The following MKLN1 variants were observed in gnomAD, a reference collection of about 807,000 sequenced individuals.
The protein encoded by MKLN1 is muskelin.
MKLN1 carries 18 observed loss-of-function variants against 99.0 expected under a neutral mutation model. The observed-to-expected ratio is 0.18, with a 90% CI of 0.13 to 0.27. The LOEUF (loss-of-function observed/expected upper bound fraction) is 0.27. MKLN1 is among the 10% of genes least tolerant of loss of function. The probability of loss-of-function intolerance (pLI) is 1.00; values close to 1 mark genes in which losing one functional copy is unlikely to be tolerated. For missense variants in MKLN1, 621 were observed against 875.9 expected, an observed-to-expected ratio of 0.71 and a Z score of 3.67; for synonymous variants, 288 against 293.2, an observed-to-expected ratio of 0.98 and a Z score of 0.18.
chr7:131,243,114 T>C (rs888445806), intron 3 of MKLN1: 7 of 354,948 alleles, frequency 2.0e-5, no homozygotes, highest in Non-Finnish European at 3.3e-5. Context: ...TTTGAGACAA[T>C]AGTCATCAAA....
chr7:131,301,033 C>T (rs7781339), intron 3 of MKLN1, among the ~76,000 whole-genome samples: 28,298 of 152,110 alleles, frequency 0.19, 3,253 homozygotes, highest in African/African-American at 0.33. Flanking sequence ...GTGAGAAAGT[C>T]TCAATCTTGG....
At chr7:131,218,643 A>G (rs930655933) in intron 3 of MKLN1, among the ~76,000 whole-genome samples, 2 of 152,208 alleles carry the variant, frequency 1.3e-5, no homozygotes, top group African/African-American at 4.8e-5. Flanking sequence ...ATGTGCATAC[A>G]ATGGATTATT....
intron 9 of MKLN1, among the ~76,000 whole-genome samples, chr7:131,436,846 T>C (rs938433128): frequency 1.3e-5 from 2 of 152,230 alleles, no homozygotes; most frequent in Non-Finnish European, 2.9e-5. Flanking sequence ...TTATTGATAA[T>C]ATACTGTTCT....
chr7:131,367,818 T>C (rs1035559961), intron 1 of MKLN1, among the ~76,000 whole-genome samples: 5 of 152,192 alleles, frequency 3.3e-5, no homozygotes, highest in African/African-American at 1.2e-4. Context: ...GAAATACTCA[T>C]AAGTAAAAAT....
intron 1 of MKLN1, among the ~76,000 whole-genome samples, chr7:131,362,780 CAG>C (rs1294900474): frequency 2.0e-5 from 3 of 151,764 alleles, no homozygotes; most frequent in Non-Finnish European, 2.9e-5. Flanking sequence ...ATACTCTAGA[CAG>C]ATATTTCAAA....
At chr7:131,188,131 A>T in intron 2 of MKLN1, among the ~76,000 whole-genome samples, 1 of 152,194 alleles carries the variant, frequency 6.6e-6, no homozygotes, top group East Asian at 1.9e-4. Context: ...GAGAGAGAAG[A>T]TTGCACATAC....
chr7:131,378,117 A>G (rs866525469), intron 2 of MKLN1, among the ~76,000 whole-genome samples: 12 of 152,084 alleles, frequency 7.9e-5, no homozygotes, highest in African/African-American at 2.4e-4. Context: ...TTATTTGTTT[A>G]TTTATTTTTT....
intron 12 of MKLN1, among the ~76,000 whole-genome samples, chr7:131,459,961 G>A (rs1796467123): frequency 6.6e-6 from 1 of 151,572 alleles, no homozygotes; most frequent in Admixed American, 6.6e-5. Context: ...CTATCTTTTT[G>A]CTGTTTATTC....
At chr7:131,416,979 CAAAAAAAAAAAAA>C (rs374145180) in intron 8 of MKLN1, among the ~76,000 whole-genome samples, 1 of 49,564 alleles carries the variant, frequency 2.0e-5, no homozygotes. Flanking sequence ...GCAACCCTGT[CAAAAAAAAAAAAA>C]AAAAAAAAAA....
chr7:131,150,947 A>T (rs1168021112), intron 2 of MKLN1, among the ~76,000 whole-genome samples: 2 of 152,208 alleles, frequency 1.3e-5, no homozygotes, highest in Non-Finnish European at 2.9e-5. Flanking sequence ...TGGTGATGTA[A>T]TTATAAAATA....
intron 2 of MKLN1, among the ~76,000 whole-genome samples, chr7:131,161,179 G>A (rs995259686): frequency 6.6e-6 from 1 of 152,186 alleles, no homozygotes; most frequent in Non-Finnish European, 1.5e-5. Context: ...AGGACAGACA[G>A]GGTCAGTCTA....
At chr7:131,380,353 C>T (rs1393447068) in intron 2 of MKLN1, among the ~76,000 whole-genome samples, 2 of 151,788 alleles carry the variant, frequency 1.3e-5, no homozygotes, top group East Asian at 1.9e-4. Flanking sequence ...AAATAAGTGC[C>T]CTTGCTATGT....
chr7:131,479,561 T>C (rs1293533036), intron 17 of MKLN1, among the ~76,000 whole-genome samples: 3 of 149,904 alleles, frequency 2.0e-5, no homozygotes, highest in African/African-American at 4.9e-5. Flanking sequence ...GCGTGGTGGC[T>C]CATGCCTGTA....
intron 3 of MKLN1, among the ~76,000 whole-genome samples, chr7:131,322,557 C>CTTT (rs574246814): frequency 1.4e-4 from 13 of 95,090 alleles, no homozygotes; most frequent in African/African-American, 2.2e-4. Context: ...CTGCCAAACA[C>CTTT]TTTTTTTTTT....
intron 3 of MKLN1, among the ~76,000 whole-genome samples, chr7:131,234,767 C>T (rs1797291622): frequency 6.6e-6 from 1 of 152,154 alleles, no homozygotes; most frequent in African/African-American, 2.4e-5. Context: ...CCCAAAATAC[C>T]TCTCTCTCCC....
chr7:131,169,942 C>T (rs1457459678), intron 2 of MKLN1, among the ~76,000 whole-genome samples: 1 of 152,136 alleles, frequency 6.6e-6, no homozygotes, highest in Non-Finnish European at 1.5e-5. Context: ...AAAACCCTTT[C>T]ACCTAGGCAT....
At chr7:131,478,595 CTTTTT>C (rs3080645) in intron 16 of MKLN1, 23 bp from the exon 17 acceptor site, 29 of 1,238,408 alleles carry the variant, frequency 2.3e-5, no homozygotes, top group Admixed American at 1.8e-4. Context: ...TTTGCTGCTT[CTTTTT>C]TTTTTTTTTT....
At chr7:131,189,744 A>G (rs552589157) in intron 2 of MKLN1, among the ~76,000 whole-genome samples, 1 of 152,340 alleles carries the variant, frequency 6.6e-6, no homozygotes, top group East Asian at 1.9e-4. Flanking sequence ...AATTTAGAGA[A>G]CTATTAGACG....
At chr7:131,295,367 C>T (rs1563282379) in intron 3 of MKLN1, among the ~76,000 whole-genome samples, 1 of 151,980 alleles carries the variant, frequency 6.6e-6, no homozygotes, top group Non-Finnish European at 1.5e-5. Flanking sequence ...TGCTGATAAA[C>T]ACATTGTGTA....
Sources: allele counts gnomAD v4.1 joint callset (sites outside exome capture counted in the v4.1 genomes callset), GRCh38; gene constraint gnomAD v4.1.1; transcripts MANE v1.5; gene names NCBI Gene and HGNC (gene_info 2026-07-23, HGNC 2026-07-21).